Variants in SOX5 observed in about 807,000 individuals in gnomAD.
SOX5 encodes the protein transcription factor SOX-5.
In SOX5, 9 loss-of-function variants were observed where a neutral mutation model predicts 92.0. That is an observed-to-expected ratio of 0.10 (90% CI 0.06 to 0.17). SOX5 has a LOEUF of 0.17. Among genes scored for constraint, SOX5 ranks in the 10% least tolerant of loss-of-function variants. The pLI is 1.00. For synonymous variants in SOX5, 344 were observed against 336.3 expected, an observed-to-expected ratio of 1.02 and a Z score of -0.25; for missense variants, 642 against 944.5, an observed-to-expected ratio of 0.68 and a Z score of 4.20.
intron 1 of SOX5, among the ~76,000 whole-genome samples, chr12:24,441,535 CCA>C (rs1409945543): frequency 1.3e-5 from 2 of 152,102 alleles, no homozygotes; most frequent in African/African-American, 4.8e-5. Flanking sequence ...CCTTTTACAA[CCA>C]AAGTGTTGAT....
Position 23,970,841 on chromosome 12 carries a change from A to ATATATATAAAATT in SOX5, c.-1-74818_-1-74817insAATTTTATATATA. On this transcript the variant is annotated intron_variant, in intron 4 of 4. Transcript: ENST00000446891. ...ACATGGGACTTTATATATATATATA[A>ATATATATAAAATT]TTTTTTTTTTTTTTTAAGAAATGGG... 4.6e-4 allele frequency among the ~76,000 whole-genome samples: 10 copies of ATATATATAAAATT among 21,878 alleles called. 3 individuals are homozygous for ATATATATAAAATT. Among genetic ancestry groups the ATATATATAAAATT allele is most frequent in the Admixed American group, 7.7e-4 (1 of 1,296 alleles). The allele number at this position is 21,878 out of a possible 152,430, so 14.4% of individuals were successfully genotyped here. A position where few individuals can be genotyped will look rare whatever the true frequency, so the allele number is the denominator to read the frequency against.
intron 10 of SOX5, among the ~76,000 whole-genome samples, chr12:23,570,439 T>G (rs563688416): frequency 6.6e-6 from 1 of 152,292 alleles, no homozygotes; most frequent in South Asian, 2.1e-4. Context: ...TTCAATCACC[T>G]TCCTGCAAAC....
At chr12:24,187,428 C>T (rs960581170) in intron 4 of SOX5, among the ~76,000 whole-genome samples, 1 of 152,118 alleles carries the variant, frequency 6.6e-6, no homozygotes, top group African/African-American at 2.4e-5. Context: ...TAGAAAAGTA[C>T]AAAGTATTAC....
intron 4 of SOX5, among the ~76,000 whole-genome samples, chr12:24,149,962 A>G (rs1951491519): frequency 6.6e-6 from 1 of 152,180 alleles, no homozygotes; most frequent in Non-Finnish European, 1.5e-5. Flanking sequence ...TCACATTTGT[A>G]TAAAATTCTA....
intron 1 of SOX5, among the ~76,000 whole-genome samples, chr12:24,495,914 A>G (rs1488612345): frequency 1.3e-5 from 2 of 152,210 alleles, no homozygotes; most frequent in African/African-American, 4.8e-5. Context: ...TTGACTCTGG[A>G]TAATTTCTTA....
At chr12:23,889,189 A>T (rs1253396710) in intron 2 of SOX5, among the ~76,000 whole-genome samples, 1 of 152,204 alleles carries the variant, frequency 6.6e-6, no homozygotes, top group Non-Finnish European at 1.5e-5. Context: ...CTGGCACAAT[A>T]ACCACACTGG....
intron 1 of SOX5, among the ~76,000 whole-genome samples, chr12:24,546,833 C>A (rs1181925878): frequency 6.6e-6 from 1 of 152,210 alleles, no homozygotes; most frequent in Non-Finnish European, 1.5e-5. Context: ...CCCCAGGGCC[C>A]GCCCTGGATA....
chr12:23,846,771 T>G (rs1452602212), intron 2 of SOX5, among the ~76,000 whole-genome samples: 2 of 152,304 alleles, frequency 1.3e-5, no homozygotes, highest in Non-Finnish European at 2.9e-5. Flanking sequence ...CACAGGTTAT[T>G]TGACATCAGA....
intron 6 of SOX5, among the ~76,000 whole-genome samples, chr12:23,712,401 A>T (rs1190814442): frequency 2.0e-5 from 3 of 152,232 alleles, no homozygotes; most frequent in Non-Finnish European, 4.4e-5. Flanking sequence ...TGGATTAGGT[A>T]CAAACGAGTC....
chr12:24,376,897 G>T (rs1173865068), intron 1 of SOX5, among the ~76,000 whole-genome samples: 1 of 147,420 alleles, frequency 6.8e-6, no homozygotes, highest in Non-Finnish European at 1.5e-5. Flanking sequence ...TTTTTGTAGA[G>T]ATGGGGTTTT....
rs544396686 is a variant in SOX5 at position 24,137,955 on chromosome 12, C to T, written c.-2+75388G>A. On this transcript the variant is annotated intron_variant, in intron 4 of 4. Coordinates refer to the SOX5 transcript ENST00000446891. Reference sequence around the variant, plus strand: ...TGAACTACAGTAGCCCACTGTTGGGCAGATTAGAACATAAAGTAAAGAATC... The same window carrying T: ...TGAACTACAGTAGCCCACTGTTGGGTAGATTAGAACATAAAGTAAAGAATC... 3.3e-5 allele frequency among the ~76,000 whole-genome samples: 5 copies of T among 152,288 alleles called. No homozygotes were observed. In the South Asian group the frequency reaches 8.3e-4, roughly 25 times the overall value.
chr12:23,662,156 TAC>T (rs2083148270), intron 7 of SOX5, among the ~76,000 whole-genome samples: 4 of 151,276 alleles, frequency 2.6e-5, no homozygotes, highest in African/African-American at 9.7e-5. Context: ...CACACACATA[TAC>T]ATATATATAT....
chr12:24,520,669 G>C (rs1049028878), intron 1 of SOX5, among the ~76,000 whole-genome samples: 1 of 152,056 alleles, frequency 6.6e-6, no homozygotes, highest in African/African-American at 2.4e-5. Context: ...ATGTAAATGA[G>C]TTAAATTCAC....
intron 4 of SOX5, among the ~76,000 whole-genome samples, chr12:24,145,128 G>A (rs1950946108): frequency 6.6e-6 from 1 of 152,034 alleles, no homozygotes; most frequent in African/African-American, 2.4e-5. Flanking sequence ...GAAATAAAAA[G>A]GGAGGAATAT....
chr12:23,673,064 C>T lies in SOX5; in HGVS notation c.811-7500G>A, dbSNP rs560181255. Among the ~76,000 whole-genome samples the T allele has an allele frequency of 1.6e-4, 24 of 151,942 alleles. No individual in the cohort carries two copies. The South Asian group carries it at 4.4e-3, about 28-fold the overall frequency. On this transcript the variant is annotated intron_variant, in intron 6 of 14. Transcript: ENST00000451604. ...GGTATAATCTCCATATTAAAAGTTG[C>T]TAATCATAGAAACTTAAGGGTTGCA...
intron 4 of SOX5, among the ~76,000 whole-genome samples, chr12:24,084,504 G>C (rs1316404157): frequency 6.6e-6 from 1 of 151,912 alleles, no homozygotes; most frequent in Non-Finnish European, 1.5e-5. Context: ...TCCCTTATGT[G>C]TGATATTCTT....
chr12:23,616,261 A>G (rs1009299730), intron 8 of SOX5, among the ~76,000 whole-genome samples: 1 of 152,210 alleles, frequency 6.6e-6, no homozygotes, highest in Non-Finnish European at 1.5e-5. Context: ...GCGGAAAGGG[A>G]CAGGGGTAGA....
intron 1 of SOX5, among the ~76,000 whole-genome samples, chr12:24,417,897 G>T (rs1340493355): frequency 1.3e-5 from 2 of 152,120 alleles, no homozygotes; most frequent in African/African-American, 4.8e-5. Flanking sequence ...TGTTTTAAGG[G>T]CAAGTTTAAT....
intron 1 of SOX5, among the ~76,000 whole-genome samples, chr12:24,461,729 A>T (rs1943656009): frequency 6.6e-6 from 1 of 152,218 alleles, no homozygotes; most frequent in Non-Finnish European, 1.5e-5. Context: ...TCTGGCAGTT[A>T]TGATAGCCAA....
Sources: allele counts gnomAD v4.1 joint callset (sites outside exome capture counted in the v4.1 genomes callset), GRCh38; gene constraint gnomAD v4.1.1; transcripts MANE v1.5; gene names NCBI Gene and HGNC (gene_info 2026-07-23, HGNC 2026-07-21).